Variants in IQCM observed in about 807,000 individuals in gnomAD.
The protein encoded by IQCM is IQ domain-containing protein M.
IQCM carries 45 observed loss-of-function variants against 57.6 expected under a neutral mutation model. The ratio of observed to expected loss-of-function variants is 0.78; its 90% confidence interval spans 0.62 to 1.00. IQCM has a LOEUF of 1.00. Ranked by LOEUF, IQCM falls within the 50% of genes least tolerant of loss-of-function variation. The probability of loss-of-function intolerance (pLI) is 0.00; values close to 1 mark genes in which losing one functional copy is unlikely to be tolerated. For synonymous variants in IQCM, 148 were observed against 158.9 expected, an observed-to-expected ratio of 0.93 and a Z score of 0.51; for missense variants, 468 against 511.6, an observed-to-expected ratio of 0.91 and a Z score of 0.82.
At chr4:149,619,490 A>T (rs2150070408) in intron 8 of IQCM, among the ~76,000 whole-genome samples, 1 of 152,296 alleles carries the variant, frequency 6.6e-6, no homozygotes, top group South Asian at 2.1e-4. Flanking sequence ...ACATAATAAA[A>T]ACATTAGAAA....
chr4:149,591,684 T>C (rs1753192623), intron 8 of IQCM, among the ~76,000 whole-genome samples: 1 of 152,122 alleles, frequency 6.6e-6, no homozygotes, highest in East Asian at 1.9e-4. Context: ...TTCCCACCTA[T>C]GAGCACAAAC....
At chr4:149,558,196 A>T (rs1749770520) in intron 10 of IQCM, among the ~76,000 whole-genome samples, 1 of 152,122 alleles carries the variant, frequency 6.6e-6, no homozygotes. Flanking sequence ...TTTACTCTAT[A>T]TAGTCTCCCT....
chr4:149,471,906 C>T (rs145319402), intron 12 of IQCM, among the ~76,000 whole-genome samples: 3,256 of 152,118 alleles, frequency 0.021, 49 homozygotes, highest in Non-Finnish European at 0.029. Flanking sequence ...AAAAGGCCTT[C>T]GACAAAATTC....
chr4:149,649,144 T>C (rs1010232785), intron 7 of IQCM, among the ~76,000 whole-genome samples: 12 of 152,032 alleles, frequency 7.9e-5, no homozygotes, highest in African/African-American at 2.9e-4. Flanking sequence ...TTGTTCTCTT[T>C]TTTTCCTCAG....
At chr4:149,579,399 A>T (rs957032910) in intron 9 of IQCM, among the ~76,000 whole-genome samples, 1 of 151,874 alleles carries the variant, frequency 6.6e-6, no homozygotes, top group South Asian at 2.1e-4. Flanking sequence ...ACTCAGGTTT[A>T]CCAGAGAGCC....
chr4:149,428,581 G>C (rs1219701966), intron 13 of IQCM, among the ~76,000 whole-genome samples: 1 of 151,714 alleles, frequency 6.6e-6, no homozygotes, highest in Non-Finnish European at 1.5e-5. Context: ...ATATAAGAAA[G>C]TCTTATGTTA....
rs116111306 is a variant in IQCM at position 149,724,998 on chromosome 4, T to C, written c.385+8246A>G. Among the ~76,000 whole-genome samples the C allele has an allele frequency of 5.9e-3, 900 of 152,268 alleles. 9 individuals carry two copies. Among genetic ancestry groups the C allele is most frequent in the African/African-American group, 0.02 (852 of 41,562 alleles). On this transcript the variant is annotated intron_variant, in intron 5 of 13. Transcript: ENST00000636793. The stretch of plus-strand genomic sequence containing the variant: ...ACAATACAAACTGGTTAAGCAGTAC[T>C]GTAGAATATCTATACACAGAAAGAG...
chr4:149,510,585 G>T (rs775599463), intron 12 of IQCM, among the ~76,000 whole-genome samples: 1 of 152,074 alleles, frequency 6.6e-6, no homozygotes, highest in Non-Finnish European at 1.5e-5. Flanking sequence ...ATAAATATCA[G>T]TATTGATATA....
chr4:149,751,679 C>T (rs1378647940), intron 2 of IQCM, among the ~76,000 whole-genome samples: 3 of 152,174 alleles, frequency 2.0e-5, no homozygotes, highest in Non-Finnish European at 4.4e-5. Flanking sequence ...ACACCTGGTC[C>T]ACTCAGTAAG....
At chr4:149,373,984 G>T (rs1051563568) in intron 13 of IQCM, among the ~76,000 whole-genome samples, 1 of 152,148 alleles carries the variant, frequency 6.6e-6, no homozygotes, top group Non-Finnish European at 1.5e-5. Flanking sequence ...AAGGTGAGTT[G>T]TTTCTGCTTT....
At chr4:149,619,106 G>GGATA (rs1491222061) in intron 8 of IQCM, among the ~76,000 whole-genome samples, 1 of 60,782 alleles carries the variant, frequency 1.6e-5, no homozygotes, top group African/African-American at 7.7e-5. Context: ...AATGTGGGAT[G>GGATA]GATATATATA....
chr4:149,563,225 G>A (rs542464212), intron 10 of IQCM, among the ~76,000 whole-genome samples: 1 of 152,138 alleles, frequency 6.6e-6, no homozygotes, highest in African/African-American at 2.4e-5. Context: ...AAGGAAAGTT[G>A]CTCTAAACAG....
At chr4:149,492,529 A>G (rs563402836) in intron 12 of IQCM, among the ~76,000 whole-genome samples, 3 of 152,238 alleles carry the variant, frequency 2.0e-5, no homozygotes, top group African/African-American at 7.2e-5. Flanking sequence ...TAACACTATC[A>G]ACTTGAACAT....
At chr4:149,613,959 C>A (rs1286554963) in intron 8 of IQCM, among the ~76,000 whole-genome samples, 1 of 152,094 alleles carries the variant, frequency 6.6e-6, no homozygotes, top group Admixed American at 6.6e-5. Context: ...TTTCTTAATC[C>A]AGCCTATCAT....
At chr4:149,563,926 T>C (rs1022750845) in intron 9 of IQCM, 36 bp from the exon 10 acceptor site, 2 of 1,028,572 alleles carry the variant, frequency 1.9e-6, no homozygotes, top group African/African-American at 1.7e-5. Context: ...ATACATAATA[T>C]GAAAAATTAA....
rs193028776 is a variant in IQCM at position 149,459,911 on chromosome 4, T to C, written c.1229-26354A>G. 2.5e-3 allele frequency among the ~76,000 whole-genome samples: 380 copies of C among 152,334 alleles called. 1 individual carries two copies. Among genetic ancestry groups the C allele is most frequent in the African/African-American group, 8.4e-3 (350 of 41,588 alleles). On this transcript the variant is annotated intron_variant, in intron 12 of 13. Transcript: ENST00000636793. ...AACAAATACCTTTTTAAGACCATGC[T>C]TTCAATTATTTTGAGTAAATACTCA...
chr4:149,615,688 AC>A (rs1329440624), intron 8 of IQCM, among the ~76,000 whole-genome samples: 2 of 152,246 alleles, frequency 1.3e-5, no homozygotes, highest in African/African-American at 4.8e-5. Context: ...ATGCATATCT[AC>A]AATGACTTTA....
intron 13 of IQCM, among the ~76,000 whole-genome samples, chr4:149,416,236 C>A (rs914269156): frequency 6.6e-6 from 1 of 151,938 alleles, no homozygotes; most frequent in African/African-American, 2.4e-5. Flanking sequence ...CCCTCCCTCC[C>A]CCATGGAGCC....
At chr4:149,730,736 C>T (rs1766383280) in intron 5 of IQCM, among the ~76,000 whole-genome samples, 1 of 152,172 alleles carries the variant, frequency 6.6e-6, no homozygotes, top group African/African-American at 2.4e-5. Flanking sequence ...CTCCTATTCA[C>T]TTTAAAGCAG....
Sources: gnomAD v4.1 joint callset for allele counts (sites outside exome capture counted in the v4.1 genomes callset) on GRCh38, gnomAD v4.1.1 for gene constraint, MANE v1.5 for transcripts, NCBI Gene and HGNC (gene_info 2026-07-23, HGNC 2026-07-21) for gene names.